The following LHFPL6 variants were observed in gnomAD, a reference collection of about 807,000 sequenced individuals.
The protein encoded by LHFPL6 is LHFPL tetraspan subfamily member 6 protein.
Under a neutral mutation model 20.6 loss-of-function variants are expected in LHFPL6, and 9 were observed. That is an observed-to-expected ratio of 0.44 (90% confidence interval 0.26 to 0.76). The LOEUF is 0.76. LHFPL6 is among the 30% of genes least tolerant of loss of function. The pLI, the probability that LHFPL6 is intolerant of heterozygous loss-of-function variation, is 0.20. For synonymous variants in LHFPL6, 105 were observed against 98.7 expected, an observed-to-expected ratio of 1.06 and a Z score of -0.38; for missense variants, 218 against 253.5, an observed-to-expected ratio of 0.86 and a Z score of 0.95.
intron 2 of LHFPL6, among the ~76,000 whole-genome samples, chr13:39,550,891 T>A (rs1871129367): frequency 1.3e-5 from 2 of 152,138 alleles, no homozygotes; most frequent in South Asian, 4.1e-4. Context: ...TGTATTTTTT[T>A]AAATCAGAAA....
At chr13:39,592,744 T>A (rs1181526319) in intron 2 of LHFPL6, among the ~76,000 whole-genome samples, 2 of 152,174 alleles carry the variant, frequency 1.3e-5, no homozygotes, top group Non-Finnish European at 2.9e-5. Flanking sequence ...GCAAGCTGAA[T>A]CCAGCAGCAC....
At chr13:39,416,074 G>A (rs1871340599) in intron 2 of LHFPL6, among the ~76,000 whole-genome samples, 2 of 152,210 alleles carry the variant, frequency 1.3e-5, no homozygotes, top group Admixed American at 1.3e-4. Context: ...GGTAACGACT[G>A]AAGTTAGAGT....
intron 2 of LHFPL6, among the ~76,000 whole-genome samples, chr13:39,573,396 G>C (rs1871997466): frequency 6.6e-6 from 1 of 152,126 alleles, no homozygotes. Context: ...CATGGAGTTT[G>C]TTCTGGGACC....
chr13:39,374,988 T>C (rs1747064), intron 3 of LHFPL6, among the ~76,000 whole-genome samples: 28,714 of 152,202 alleles, frequency 0.19, 2,897 homozygotes, highest in African/African-American at 0.24. Context: ...CAATTATTTC[T>C]TTCAGGATGC....
At position 39,349,702 on chromosome 13, in the gene LHFPL6, G is replaced by A. The variant is rs187684270; in HGVS notation, c.485-5648C>T. Among the ~76,000 whole-genome samples the A allele has an allele frequency of 2.4e-3, 362 of 152,352 alleles. 1 individual carries two copies. The highest frequency in any genetic ancestry group is 7.9e-3 in the African/African-American group (330 of 41,586). ...AGGCAGCATATTGCAAGTGATCTAC[G>A]TAGTGCGGTCAGGTCAGTGAAAGAG... On this transcript the variant is annotated intron_variant, in intron 3 of 3. Transcript: ENST00000379589.
At chr13:39,505,601 G>A (rs1018813921) in intron 2 of LHFPL6, among the ~76,000 whole-genome samples, 1 of 152,102 alleles carries the variant, frequency 6.6e-6, no homozygotes, top group African/African-American at 2.4e-5. Flanking sequence ...TTCCTGAGAG[G>A]CTGATTTTGG....
At chr13:39,502,751 T>C (rs928538062) in intron 2 of LHFPL6, among the ~76,000 whole-genome samples, 2 of 152,186 alleles carry the variant, frequency 1.3e-5, no homozygotes, top group African/African-American at 4.8e-5. Context: ...TAAAAGACCA[T>C]TTGTGGAACT....
chr13:39,486,707 A>C (rs776216106), intron 2 of LHFPL6, among the ~76,000 whole-genome samples: 1 of 152,212 alleles, frequency 6.6e-6, no homozygotes, highest in Non-Finnish European at 1.5e-5. Context: ...CTTGAAAAGC[A>C]GGGGTCACTT....
At chr13:39,523,771 C>G (rs1381521657) in intron 2 of LHFPL6, among the ~76,000 whole-genome samples, 3 of 152,094 alleles carry the variant, frequency 2.0e-5, no homozygotes, top group Non-Finnish European at 4.4e-5. Context: ...ATACAACACC[C>G]ATTTATTTTA....
chr13:39,506,973 C>T (rs1461866292), intron 2 of LHFPL6, among the ~76,000 whole-genome samples: 3 of 152,030 alleles, frequency 2.0e-5, no homozygotes, highest in Non-Finnish European at 2.9e-5. Context: ...AGAAAAACTG[C>T]AAATTTTTTT....
intron 3 of LHFPL6, among the ~76,000 whole-genome samples, chr13:39,374,471 C>A (rs543144482): frequency 3.8e-4 from 58 of 152,138 alleles, no homozygotes; most frequent in African/African-American, 1.3e-3. Flanking sequence ...TACCCCAAAT[C>A]TCCGCATCAA....
chr13:39,534,741 C>A (rs962518854), intron 2 of LHFPL6, among the ~76,000 whole-genome samples: 1 of 151,990 alleles, frequency 6.6e-6, no homozygotes, highest in African/African-American at 2.4e-5. Context: ...TACTATATAC[C>A]CTTTTATGCC....
intron 3 of LHFPL6, among the ~76,000 whole-genome samples, chr13:39,368,757 C>CT (rs1870077408): frequency 6.6e-6 from 1 of 152,130 alleles, no homozygotes; most frequent in South Asian, 2.1e-4. Flanking sequence ...TAATCAATAA[C>CT]TGTGACATAA....
chr13:39,480,493 C>T (rs1421910364), intron 2 of LHFPL6, among the ~76,000 whole-genome samples: 1 of 152,166 alleles, frequency 6.6e-6, no homozygotes. Context: ...GATACCAAGG[C>T]AGAACCCCCT....
At chr13:39,472,208 C>G (rs1428227396) in intron 2 of LHFPL6, among the ~76,000 whole-genome samples, 1 of 152,150 alleles carries the variant, frequency 6.6e-6, no homozygotes, top group Non-Finnish European at 1.5e-5. Context: ...CAAATATATA[C>G]TACCCGGCCA....
At chr13:39,446,003 T>G (rs910411172) in intron 2 of LHFPL6, among the ~76,000 whole-genome samples, 1 of 152,200 alleles carries the variant, frequency 6.6e-6, no homozygotes, top group African/African-American at 2.4e-5. Flanking sequence ...AAAAGCATCA[T>G]TCCATCATAT....
chr13:39,396,684 T>C (rs1296617249), intron 2 of LHFPL6, among the ~76,000 whole-genome samples: 1 of 152,074 alleles, frequency 6.6e-6, no homozygotes, highest in Non-Finnish European at 1.5e-5. Flanking sequence ...TCCCAGCTAC[T>C]TGGGAGGCTG....
chr13:39,565,048 T>C (rs1174983155), intron 2 of LHFPL6, among the ~76,000 whole-genome samples: 2 of 152,178 alleles, frequency 1.3e-5, no homozygotes, highest in Non-Finnish European at 2.9e-5. Flanking sequence ...ATTCCAATGC[T>C]CTAAGAATGG....
chr13:39,463,351 C>G lies in LHFPL6; in HGVS notation c.386-84825G>C, dbSNP rs1872730044. On this transcript the variant is annotated intron_variant, in intron 2 of 3. Transcript: ENST00000379589. ...GTGAAAACGGAGGTGGAGAAAGGTACAGCCAAAATCTATAGTGAATCTTAT... is the reference window on the plus strand; with the variant it reads ...GTGAAAACGGAGGTGGAGAAAGGTAGAGCCAAAATCTATAGTGAATCTTAT... Among the ~76,000 whole-genome samples, 4 of 152,128 alleles carry G rather than the reference C, an allele frequency of 2.6e-5. No individual in the cohort carries two copies. The South Asian group carries it at 8.3e-4, about 32-fold the overall frequency.
Sources: gnomAD v4.1 joint callset for allele counts (sites outside exome capture counted in the v4.1 genomes callset) on GRCh38, gnomAD v4.1.1 for gene constraint, MANE v1.5 for transcripts, NCBI Gene and HGNC (gene_info 2026-07-23, HGNC 2026-07-21) for gene names.